ZNF215: variants seen among roughly 807,000 people sequenced by gnomAD.
ZNF215 encodes BWSCR2-associated zinc finger protein 2.
Under a neutral mutation model 27.2 loss-of-function variants are expected in ZNF215, and 24 were observed. The observed-to-expected ratio is 0.88, with a 90% CI of 0.64 to 1.24. The LOEUF is 1.24. ZNF215 is among the 50% of genes most tolerant of loss of function. The pLI, the probability that ZNF215 is intolerant of heterozygous loss-of-function variation, is 0.00. For synonymous variants in ZNF215, 210 were observed against 204.0 expected (o/e 1.03, Z -0.25); for missense variants, 675 against 605.7 (o/e 1.11, Z -1.20).
Position 6,953,327 on chromosome 11 carries a change from T to A in ZNF215, c.713-2363T>A, listed in dbSNP as rs538230009. Among the ~76,000 whole-genome samples, 425 of 152,308 alleles carry A rather than the reference T, an allele frequency of 2.8e-3. 3 individuals are homozygous for A. Among genetic ancestry groups the A allele is most frequent in the African/African-American group, 9.7e-3 (403 of 41,554 alleles). ...TTCTCCTGGAAAATGTCTTGCAGAGTGTTTTCTAACTTGGTTCCATTTTCC... is the reference window on the plus strand; with the variant it reads ...TTCTCCTGGAAAATGTCTTGCAGAGAGTTTTCTAACTTGGTTCCATTTTCC... On this transcript the variant is annotated intron_variant, in intron 6 of 6. Transcript: ENST00000278319.
downstream of ZNF215, among the ~76,000 whole-genome samples, chr11:6,987,088 T>C (rs1851065387): frequency 6.6e-6 from 1 of 152,186 alleles, no homozygotes; most frequent in African/African-American, 2.4e-5. Flanking sequence ...TGCACCCATA[T>C]GTTCATTGCA....
chr11:6,948,900 T>TC (rs1343634769), intron 6 of ZNF215, among the ~76,000 whole-genome samples: 6 of 80,422 alleles, frequency 7.5e-5, no homozygotes, highest in African/African-American at 3.0e-4. Context: ...CCCTCCCCCC[T>TC]CCCCCCACCC....
rs367614743 is a variant in ZNF215 at position 6,932,531 on chromosome 11, A to G, written c.259A>G (p.Ile87Val). Reference protein sequence around the residue: ...LRPEIHTKKQIIELLVLEQFL... With the variant: ...LRPEIHTKKQVIELLVLEQFL... ...ACCAGAGATTCATACAAAGAAGCAG[A>G]TTATAGAACTGTTGGTGCTGGAACA... Residue 87 changes from isoleucine to valine, a missense_variant, in exon 3 of 7, where the codon ATT becomes GTT. Coordinates refer to ENST00000278319, the MANE Select transcript of ZNF215 (RefSeq NM_013250.4). 2 of 1,614,202 alleles carry G rather than the reference A, an allele frequency of 1.2e-6. No homozygotes were observed. The highest frequency in any genetic ancestry group is 1.7e-6 in the Non-Finnish European group (2 of 1,180,024).
intron 3 of ZNF215, among the ~76,000 whole-genome samples, chr11:6,934,941 AG>A (rs1369085705): frequency 6.6e-6 from 1 of 152,212 alleles, no homozygotes; most frequent in Non-Finnish European, 1.5e-5. Context: ...GAGAGGTTGC[AG>A]GGTAATACAG....
chr11:6,932,312 C>T lies in ZNF215; in HGVS notation c.40C>T (p.Arg14Ter), dbSNP rs200686307. 54 of 1,613,904 alleles carry T rather than the reference C, an allele frequency of 3.3e-5. No individual in the cohort carries two copies. Among genetic ancestry groups the T allele is most frequent in the South Asian group, 2.1e-4 (19 of 91,074 alleles). ...CAAGTTGATGGCTATCTCAAAACCT[C>T]GAAACCTGTCTCTACGTGAACAAAG... Reference protein sequence around the residue: ...LSKLMAISKPRNLSLREQREV... With the variant: ...LSKLMAISKP The change falls in exon 3 of 7, where the codon CGA becomes TGA. Residue 14 changes from arginine (R) to a stop codon, truncating the protein, a stop_gained. Transcript: ENST00000278319. LOFTEE classifies it high-confidence loss of function.
At chr11:6,970,406 G>A (rs1466278010) in intron 5 of ZNF215, among the ~76,000 whole-genome samples, 2 of 152,166 alleles carry the variant, frequency 1.3e-5, no homozygotes, top group African/African-American at 4.8e-5. Context: ...AGACATTCTT[G>A]TAACAAGTGG....
chr11:6,972,231 G>C (rs1850732294), intron 5 of ZNF215, among the ~76,000 whole-genome samples: 1 of 150,822 alleles, frequency 6.6e-6, no homozygotes, highest in Non-Finnish European at 1.5e-5. Context: ...AGACTTTATA[G>C]GTTATATAGT....
intron 5 of ZNF215, among the ~76,000 whole-genome samples, chr11:6,977,442 G>A (rs1416560778): frequency 6.6e-6 from 1 of 151,966 alleles, no homozygotes; most frequent in African/African-American, 2.4e-5. Flanking sequence ...GAGGTTTCAG[G>A]TATCCACTGG....
rs1850422582 is a variant in ZNF215, at chr11:6,957,731, G to A, written c.*1200G>A. 1 of 985,220 alleles carries A rather than the reference G, an allele frequency of 1.0e-6. No homozygotes were observed. The highest frequency in any genetic ancestry group is 1.2e-6 in the Non-Finnish European group (1 of 829,764). The allele number at this position is 985,220 out of a possible 1,614,324, so 61.0% of individuals were successfully genotyped here. ...CCTAAGAACCTATTGATGATGTTCA[G>A]TGCAGACTTACTGTACCTTTGGGAA... On this transcript the variant is annotated 3_prime_UTR_variant, in exon 7 of 7. Transcript: ENST00000278319.
rs1410600863 is a variant in ZNF215 at position 6,957,251 on chromosome 11, T to C, written c.*720T>C. 1 of 939,254 alleles carries C rather than the reference T, an allele frequency of 1.1e-6. No individual in the cohort carries two copies. The highest frequency in any genetic ancestry group is 1.2e-4 in the East Asian group (1 of 8,600). 58.2% of individuals were successfully genotyped at this position (939,254 alleles called of 1,614,324 possible). Reference sequence around the variant, plus strand: ...ATGATGTTGATGAGAAAAATATCGATTCCCAGCCAGGGACACTGTGTGGAG... The same window carrying C: ...ATGATGTTGATGAGAAAAATATCGACTCCCAGCCAGGGACACTGTGTGGAG... On this transcript the variant is annotated 3_prime_UTR_variant, in exon 7 of 7. Transcript: ENST00000278319.
chr11:6,952,542 G>T (rs896573833), intron 6 of ZNF215, among the ~76,000 whole-genome samples: 4 of 151,990 alleles, frequency 2.6e-5, no homozygotes, highest in African/African-American at 7.3e-5. Context: ...TTTTATCAGA[G>T]ACTAGGATTG....
chr11:6,932,359 G>A lies in ZNF215; in HGVS notation c.87G>A (p.Met29Ile). ...AAAGAGAGGTTCTGAGAGCAGATAT[G>A]TCTTGGCAGCAGGAAACCAACCCCG... ...REQREVLRADMSWQQETNPVV... is the reference protein window; with the variant it reads ...REQREVLRADISWQQETNPVV... Residue 29 changes from methionine to isoleucine, a missense_variant, in exon 3 of 7, where the codon ATG becomes ATA. Physicochemically the swap from Met to Ile is conservative, Grantham distance 10. Transcript: ENST00000278319. The A allele has an allele frequency of 6.2e-7, 1 of 1,614,170 alleles. No homozygotes were observed. The highest frequency in any genetic ancestry group is 1.6e-4 in the Middle Eastern group (1 of 6,062).
At chr11:6,975,521 A>G (rs1316875657) in intron 5 of ZNF215, among the ~76,000 whole-genome samples, 1 of 151,812 alleles carries the variant, frequency 6.6e-6, no homozygotes, top group Non-Finnish European at 1.5e-5. Context: ...CCAGCCCCTA[A>G]CTACCCTTTC....
downstream of ZNF215, chr11:6,988,375 C>A: frequency 2.0e-6 from 1 of 494,790 alleles, no homozygotes; most frequent in Non-Finnish European, 2.6e-6. Context: ...CAGAAAAGGG[C>A]TCTGTGATCA....
chr11:6,982,981 A>T (rs1850989669), intron 5 of ZNF215, among the ~76,000 whole-genome samples: 2 of 149,980 alleles, frequency 1.3e-5, no homozygotes, highest in Admixed American at 1.3e-4. Context: ...TGGTTTTTTG[A>T]AAGGATCAAC....
intron 3 of ZNF215, among the ~76,000 whole-genome samples, chr11:6,935,196 C>T (rs1849390497): frequency 6.6e-6 from 1 of 152,168 alleles, no homozygotes; most frequent in Non-Finnish European, 1.5e-5. Flanking sequence ...TTTGAAAGCT[C>T]GCATGTATAT....
rs1357953647 is a variant in ZNF215 at position 6,932,590 on chromosome 11, T to C, written c.318T>C (p.Thr106=). 1 of 1,614,194 alleles carries C rather than the reference T, an allele frequency of 6.2e-7. No individual in the cohort carries two copies. Among genetic ancestry groups the C allele is most frequent in the Non-Finnish European group, 8.5e-7 (1 of 1,180,030 alleles). The part of the protein sequence containing the change: ...FLAILPEEVR[T]WVNLQHPNNS... ...CAATCCTGCCTGAAGAAGTCAGGAC[T>C]TGGGTGAATTTACAACATCCAAACA... The change falls in exon 3 of 7, where the codon ACT becomes ACC. Residue 106 remains threonine (T), a synonymous_variant. Transcript: ENST00000278319.
At chr11:6,986,895 G>C (rs1239155178), downstream of ZNF215, among the ~76,000 whole-genome samples, 2 of 152,086 alleles carry the variant, frequency 1.3e-5, no homozygotes, top group Non-Finnish European at 2.9e-5. Context: ...CTGTTTCTCT[G>C]TTTCCCTGCA....
chr11:6,938,140 T>G (rs1849502773), intron 3 of ZNF215, among the ~76,000 whole-genome samples: 1 of 151,938 alleles, frequency 6.6e-6, no homozygotes, highest in Non-Finnish European at 1.5e-5. Context: ...CTCTTACAAT[T>G]CAATAACAAG....
Sources: allele counts gnomAD v4.1 joint callset (sites outside exome capture counted in the v4.1 genomes callset), GRCh38; gene constraint gnomAD v4.1.1; transcripts MANE v1.5; gene names NCBI Gene and HGNC (gene_info 2026-07-23, HGNC 2026-07-21).